MRC1: variants seen among roughly 807,000 people sequenced by gnomAD.
The protein encoded by MRC1 is macrophage mannose receptor 1.
In MRC1, 62 loss-of-function variants were observed where a neutral mutation model predicts 102.9. That is an observed-to-expected ratio of 0.60 (90% CI 0.49 to 0.74). MRC1 has a LOEUF of 0.74. MRC1 is among the 30% of genes least tolerant of loss of function. The probability of loss-of-function intolerance (pLI) is 0.00; values close to 1 mark genes in which losing one functional copy is unlikely to be tolerated. For synonymous variants in MRC1, 457 were observed against 298.4 expected (o/e 1.53, Z -5.48); for missense variants, 1,237 against 862.8 (o/e 1.43, Z -5.43).
intron 18 of MRC1, 71 bp from the exon 19 acceptor site, chr10:17,879,650 A>ACT: frequency 1.3e-6 from 1 of 780,692 alleles, no homozygotes; most frequent in East Asian, 2.4e-5. Flanking sequence ...GGCGTGAGCC[A>ACT]CTGCTCCTGG....
intron 12 of MRC1, 142 bp downstream of exon 12, chr10:17,866,903 A>T: frequency 1.4e-6 from 1 of 715,552 alleles, no homozygotes; most frequent in Non-Finnish European, 2.6e-6. Context: ...TGATTTGATT[A>T]ACCCGGGGAT....
chr10:17,831,109 G>C (rs1178205599), intron 3 of MRC1, among the ~76,000 whole-genome samples: 1 of 149,922 alleles, frequency 6.7e-6, no homozygotes, highest in Admixed American at 6.6e-5. Context: ...TGTTGGTCAG[G>C]CTGATCGCGA....
intron 21 of MRC1, among the ~76,000 whole-genome samples, chr10:17,884,826 T>C (rs991046351): frequency 1.3e-5 from 2 of 152,250 alleles, no homozygotes; most frequent in Non-Finnish European, 2.9e-5. Context: ...TGACAGTTTT[T>C]ATTTTTTCAG....
chr10:17,879,794 A>C lies in MRC1; in HGVS notation c.2692A>C (p.Asn898His), dbSNP rs782459964. 1 of 780,690 alleles carries C rather than the reference A, an allele frequency of 1.3e-6. No homozygotes were observed. The highest frequency in any genetic ancestry group is 1.7e-5 in the Admixed American group (1 of 59,000). 48.4% of individuals were successfully genotyped at this position (780,690 alleles called of 1,614,324 possible). A position where few individuals can be genotyped will look rare whatever the true frequency, so the allele number is the denominator to read the frequency against. ...ACCCAATTTTGCAAATGAAGATGAA[A>C]ACTGTGTGACCATGTATTCAAATTC... ...GEPNFANEDENCVTMYSNSGF... is the reference protein window; with the variant it reads ...GEPNFANEDEHCVTMYSNSGF... Residue 898 changes from asparagine to histidine, a missense_variant, in exon 19 of 30, where the codon AAC (asparagine) becomes CAC (histidine). Asn to His is a moderately conservative substitution (Grantham distance 68, BLOSUM62 1). Transcript: ENST00000569591.
intron 8 of MRC1, among the ~76,000 whole-genome samples, chr10:17,855,571 CAA>C (rs35692453): frequency 2.4e-3 from 103 of 42,088 alleles, no homozygotes; most frequent in African/African-American, 8.0e-3. Flanking sequence ...GACTCCGTCT[CAA>C]AAAAAAAAAA....
chr10:17,829,489 C>T (rs1448382059), intron 3 of MRC1, among the ~76,000 whole-genome samples: 3 of 151,478 alleles, frequency 2.0e-5, no homozygotes, highest in African/African-American at 7.4e-5. Context: ...TCGGTCTTAA[C>T]TGAGGTAGTT....
chr10:17,865,863 A>G (rs1223481671), intron 11 of MRC1, among the ~76,000 whole-genome samples: 1 of 152,244 alleles, frequency 6.6e-6, no homozygotes, highest in Non-Finnish European at 1.5e-5. Flanking sequence ...TAAGCACTTC[A>G]TGTTCTTTAA....
At chr10:17,811,858 T>C (rs2130567027) in intron 1 of MRC1, among the ~76,000 whole-genome samples, 1 of 152,252 alleles carries the variant, frequency 6.6e-6, no homozygotes, top group Non-Finnish European at 1.5e-5. Context: ...TAGTGCAGGA[T>C]GATAGATGTG....
chr10:17,909,451 T>A, intron 29 of MRC1, 104 bp downstream of exon 29: 1 of 745,060 alleles, frequency 1.3e-6, no homozygotes, highest in South Asian at 1.5e-5. Context: ...GCTCTCTCAG[T>A]AGAATTTGCT....
chr10:17,874,526 C>A (rs1833399879), intron 16 of MRC1, among the ~76,000 whole-genome samples: 1 of 152,112 alleles, frequency 6.6e-6, no homozygotes, highest in African/African-American at 2.4e-5. Context: ...AGCTAACATT[C>A]ATAGGTTCCA....
At position 17,900,799 on chromosome 10, in the gene MRC1, A is replaced by G. The variant is rs1001867691; in HGVS notation, c.3495A>G (p.Gln1165=). 6.4e-6 allele frequency: 5 copies of G among 780,702 alleles called. No individual in the cohort carries two copies. Among genetic ancestry groups the G allele is most frequent in the East Asian group, 2.4e-5 (1 of 41,240 alleles). 48.4% of individuals were successfully genotyped at this position (780,702 alleles called of 1,614,324 possible). ...TTTTGTCGTTGCAGACTGATAATCA[A>G]TACACTTGGACTGATAAGTGGAGGG... ...IALNSNLTDN[Q]YTWTDKWRVR... Residue 1165 remains glutamine, a synonymous_variant, in exon 25 of 30, where the codon CAA becomes CAG. Coordinates refer to ENST00000569591, the MANE Select transcript of MRC1 (RefSeq NM_002438.4).
Position 17,817,247 on chromosome 10 carries a change from C to CA in MRC1, c.62-5807dup, listed in dbSNP as rs78486486. Among the ~76,000 whole-genome samples, 717 of 89,176 alleles carry CA rather than the reference C, an allele frequency of 8.0e-3. 13 individuals carry two copies. The highest frequency in any genetic ancestry group is 0.016 in the African/African-American group (400 of 24,678). The allele number at this position is 89,176 out of a possible 152,430, so 58.5% of individuals were successfully genotyped here. On this transcript the variant is annotated intron_variant, in intron 1 of 29. Coordinates refer to ENST00000569591, the MANE Select transcript of MRC1 (RefSeq NM_002438.4). ...CCTGGGCGACAGAGTGACTCTGTCT[C>CA]AAAAAAAAAAAAAAAAAAAAGAAAG...
At chr10:17,814,933 C>G (rs964853301) in intron 1 of MRC1, among the ~76,000 whole-genome samples, 1 of 151,794 alleles carries the variant, frequency 6.6e-6, no homozygotes, top group African/African-American at 2.4e-5. Context: ...CCCAAAGTGC[C>G]GGGATTACAG....
At chr10:17,876,147 G>A (rs988939932) in intron 17 of MRC1, among the ~76,000 whole-genome samples, 5 of 152,002 alleles carry the variant, frequency 3.3e-5, no homozygotes, top group African/African-American at 7.3e-5. Context: ...CACCTCCAAA[G>A]GTCAAGGTAA....
intron 1 of MRC1, among the ~76,000 whole-genome samples, chr10:17,819,453 ATGTGTGTGTGTG>A (rs59778334): frequency 0.23 from 33,751 of 145,692 alleles, 3,893 homozygotes; most frequent in South Asian, 0.31. Flanking sequence ...TCAGAGTTGT[ATGTGTGTGTGTG>A]TGTGTGTGTG....
At position 17,900,964 on chromosome 10, in the gene MRC1, A is replaced by T; in HGVS notation, c.3649+11A>T. The T allele has an allele frequency of 1.3e-6, 1 of 779,114 alleles. No individual in the cohort carries two copies. The highest frequency in any genetic ancestry group is 2.4e-6 in the Non-Finnish European group (1 of 417,124). 48.3% of individuals were successfully genotyped at this position (779,114 alleles called of 1,614,324 possible). A position where few individuals can be genotyped will look rare whatever the true frequency, so the allele number is the denominator to read the frequency against. On this transcript the variant is annotated intron_variant, in intron 25 of 29. Transcript: ENST00000569591. ...GTAAAAGATCAGATGGTAATTGAAT[A>T]TATAAAAACAGTCAGGGGATCTGAA...
At chr10:17,840,504 C>T (rs1180895020) in intron 4 of MRC1, among the ~76,000 whole-genome samples, 189 bp from the exon 5 acceptor site, 16 of 152,136 alleles carry the variant, frequency 1.1e-4, no homozygotes, top group Non-Finnish European at 2.2e-4. Context: ...CGTTTCCCCA[C>T]CTATCAGTGA....
chr10:17,823,002 G>A (rs564672822), intron 1 of MRC1, 72 bp from the exon 2 acceptor site: 52 of 763,644 alleles, frequency 6.8e-5, no homozygotes, highest in South Asian at 2.3e-4. Context: ...CTAAAAGATC[G>A]TCCTTGTTAC....
intron 8 of MRC1, among the ~76,000 whole-genome samples, chr10:17,853,496 A>T (rs1217434378): frequency 1.3e-4 from 19 of 151,926 alleles, no homozygotes; most frequent in Admixed American, 1.2e-3. Flanking sequence ...CATATATATG[A>T]TTATGCATGT....
Sources: allele counts gnomAD v4.1 joint callset (sites outside exome capture counted in the v4.1 genomes callset), GRCh38; gene constraint gnomAD v4.1.1; transcripts MANE v1.5; gene names NCBI Gene and HGNC (gene_info 2026-07-23, HGNC 2026-07-21).